Variants in ROBO2 observed in about 807,000 individuals in gnomAD.
ROBO2 encodes the protein roundabout guidance receptor 2.
In ROBO2, 53 loss-of-function variants were observed where a neutral mutation model predicts 160.8. That is an observed-to-expected ratio of 0.33 (90% CI 0.26 to 0.41). ROBO2 has a LOEUF of 0.41. ROBO2 is among the 10% of genes least tolerant of loss of function. ROBO2 has a pLI of 1.00. For synonymous variants in ROBO2, 664 were observed against 611.7 expected, an observed-to-expected ratio of 1.09 and a Z score of -1.26; for missense variants, 1,577 against 1,722.4, an observed-to-expected ratio of 0.92 and a Z score of 1.49.
chr3:76,380,640 AACTG>A (rs2076573459), intron 2 of ROBO2, among the ~76,000 whole-genome samples: 1 of 152,192 alleles, frequency 6.6e-6, no homozygotes. Flanking sequence ...AATACGTGTT[AACTG>A]ACTGTTTATG....
intron 2 of ROBO2, among the ~76,000 whole-genome samples, chr3:76,149,859 ATGT>A (rs2106832077): frequency 2.0e-5 from 1 of 50,890 alleles, no homozygotes; most frequent in East Asian, 7.0e-4. Flanking sequence ...CACACATCAT[ATGT>A]CTAAAGCACA....
intron 2 of ROBO2, among the ~76,000 whole-genome samples, chr3:76,008,356 T>C (rs959909391): frequency 6.6e-6 from 1 of 152,182 alleles, no homozygotes; most frequent in African/African-American, 2.4e-5. Flanking sequence ...GACTTGTTTT[T>C]TTAAAAGAAA....
chr3:76,938,369 A>C (rs980761774), intron 2 of ROBO2, among the ~76,000 whole-genome samples: 3 of 102,764 alleles, frequency 2.9e-5, no homozygotes, highest in African/African-American at 3.4e-5. Context: ...ACCCCCCCCA[A>C]AAAAGGCTGC....
At chr3:77,395,543 G>A (rs1451688840) in intron 2 of ROBO2, among the ~76,000 whole-genome samples, 1 of 151,970 alleles carries the variant, frequency 6.6e-6, no homozygotes, top group Non-Finnish European at 1.5e-5. Context: ...AGATGTGTTT[G>A]GATTAATCGA....
chr3:77,319,501 C>T (rs989573075), intron 2 of ROBO2, among the ~76,000 whole-genome samples: 5 of 152,136 alleles, frequency 3.3e-5, no homozygotes, highest in Admixed American at 6.6e-5. Flanking sequence ...TAGTCTAGGC[C>T]TTTGTCTGGT....
chr3:76,095,749 GACACACACACACACAC>G (rs59290141), intron 2 of ROBO2, among the ~76,000 whole-genome samples: 3,708 of 148,028 alleles, frequency 0.025, 134 homozygotes, highest in African/African-American at 0.079. Flanking sequence ...TAGTATGCTT[GACACACACACACACAC>G]ACACACACAC....
At chr3:76,456,953 C>G (rs1236281465) in intron 2 of ROBO2, among the ~76,000 whole-genome samples, 1 of 152,132 alleles carries the variant, frequency 6.6e-6, no homozygotes, top group Non-Finnish European at 1.5e-5. Context: ...AGACTGGCCC[C>G]CATGATTCAA....
At chr3:76,410,840 A>C (rs1205953654) in intron 2 of ROBO2, among the ~76,000 whole-genome samples, 2 of 152,150 alleles carry the variant, frequency 1.3e-5, no homozygotes, top group Non-Finnish European at 2.9e-5. Flanking sequence ...TTATTGGATG[A>C]GATGTGTGGA....
chr3:76,723,844 C>T (rs2093504281), intron 2 of ROBO2, among the ~76,000 whole-genome samples: 1 of 152,164 alleles, frequency 6.6e-6, no homozygotes, highest in Non-Finnish European at 1.5e-5. Flanking sequence ...TCCAAATCAT[C>T]TGGGTTAAGG....
intron 2 of ROBO2, among the ~76,000 whole-genome samples, chr3:76,885,068 G>A (rs974772512): frequency 5.3e-5 from 8 of 152,034 alleles, no homozygotes; most frequent in Admixed American, 4.6e-4. Context: ...TAGAAGGGAC[G>A]TCTGAATGAT....
At chr3:77,507,322 A>G (rs1582557784) in intron 5 of ROBO2, among the ~76,000 whole-genome samples, 1 of 152,194 alleles carries the variant, frequency 6.6e-6, no homozygotes, top group African/African-American at 2.4e-5. Flanking sequence ...TCACTTCCCC[A>G]GCTAGTTCTC....
chr3:77,181,329 A>G (rs1560178919), intron 2 of ROBO2, among the ~76,000 whole-genome samples: 1 of 151,958 alleles, frequency 6.6e-6, no homozygotes, highest in Non-Finnish European at 1.5e-5. Flanking sequence ...GAGGCCACCC[A>G]TGCTTCCAGG....
intron 2 of ROBO2, among the ~76,000 whole-genome samples, chr3:77,278,459 T>G (rs931589167): frequency 6.6e-6 from 1 of 152,258 alleles, no homozygotes; most frequent in African/African-American, 2.4e-5. Flanking sequence ...ATAAACCAAT[T>G]TTATGAATTA....
At chr3:76,610,774 AG>A (rs1440151246) in intron 2 of ROBO2, among the ~76,000 whole-genome samples, 1 of 150,920 alleles carries the variant, frequency 6.6e-6, no homozygotes, top group Admixed American at 6.6e-5. Context: ...CCTGTGGTCC[AG>A]CGAGCAGGAG....
chr3:76,013,685 A>G (rs6802215), intron 2 of ROBO2, among the ~76,000 whole-genome samples: 8 of 149,138 alleles, frequency 5.4e-5, no homozygotes, highest in South Asian at 2.1e-4. Flanking sequence ...TATAAAGGCA[A>G]TTGGCGGCTG....
At chr3:77,118,989 A>T (rs1478886913) in intron 2 of ROBO2, among the ~76,000 whole-genome samples, 1 of 152,074 alleles carries the variant, frequency 6.6e-6, no homozygotes, top group Admixed American at 6.6e-5. Flanking sequence ...GGAGTAAGGG[A>T]CCTGGTGGGA....
intron 2 of ROBO2, among the ~76,000 whole-genome samples, chr3:76,258,439 A>G (rs1437358507): frequency 6.6e-6 from 1 of 151,992 alleles, no homozygotes; most frequent in African/African-American, 2.4e-5. Context: ...TGTAAATGTG[A>G]CATTTACCGA....
chr3:76,376,218 A>G (rs2108514630), intron 2 of ROBO2, among the ~76,000 whole-genome samples: 1 of 152,142 alleles, frequency 6.6e-6, no homozygotes, highest in East Asian at 1.9e-4. Context: ...ACCAACTGAT[A>G]ACTTTGAACT....
At chr3:76,445,110 G>C (rs2077111145) in intron 2 of ROBO2, among the ~76,000 whole-genome samples, 1 of 152,018 alleles carries the variant, frequency 6.6e-6, no homozygotes, top group Non-Finnish European at 1.5e-5. Context: ...CAGTTTACTA[G>C]CAAAAGAAGG....
Sources: gnomAD v4.1 joint callset for allele counts (sites outside exome capture counted in the v4.1 genomes callset) on GRCh38, gnomAD v4.1.1 for gene constraint, MANE v1.5 for transcripts, NCBI Gene and HGNC (gene_info 2026-07-23, HGNC 2026-07-21) for gene names.